NRG3: variants seen among roughly 807,000 people sequenced by gnomAD.
NRG3 encodes the protein neuregulin 3, also known as pro-neuregulin-3, membrane-bound isoform.
In NRG3, 31 loss-of-function variants were observed where a neutral mutation model predicts 66.9. That is an observed-to-expected ratio of 0.46 (90% CI 0.35 to 0.63). NRG3 has a LOEUF of 0.63. Among genes scored for constraint, NRG3 ranks in the 20% least tolerant of loss-of-function variants. The pLI is 0.00. For missense variants in NRG3, 910 were observed against 878.9 expected (o/e 1.04, Z -0.45); for synonymous variants, 393 against 359.4 (o/e 1.09, Z -1.06).
chr10:82,807,123 G>A (rs896172520), intron 3 of NRG3, among the ~76,000 whole-genome samples: 1 of 152,166 alleles, frequency 6.6e-6, no homozygotes. Context: ...TTTTCCAAAT[G>A]TTTGCAATAT....
intron 1 of NRG3, among the ~76,000 whole-genome samples, chr10:82,241,225 A>G (rs969732166): frequency 6.6e-6 from 1 of 152,130 alleles, no homozygotes; most frequent in Non-Finnish European, 1.5e-5. Context: ...TCCCTAAAAG[A>G]TAATTTCTTT....
chr10:82,532,530 C>CATATAGTACTATATATGTATATGT (rs1565035866), intron 2 of NRG3, among the ~76,000 whole-genome samples: 7 of 145,854 alleles, frequency 4.8e-5, no homozygotes, highest in African/African-American at 1.3e-4. Context: ...TAGTACTATA[C>CATATAGTACTATATATGTATATGT]ATATAGTACT....
Position 82,283,973 on chromosome 10 carries a change from A to G in NRG3, c.824-74766A>G, listed in dbSNP as rs77413584. On this transcript the variant is annotated intron_variant, in intron 1 of 8. Coordinates refer to ENST00000372141, the MANE Select transcript of NRG3 (RefSeq NM_001010848.4). ...GTTTGCTCGTAGTTTGCTAAGGAGG[A>G]AAATGAAAAGAGAGAAAGTTAGAGA... 1.2e-4 allele frequency among the ~76,000 whole-genome samples: 18 copies of G among 152,322 alleles called. No homozygotes were observed. The East Asian group carries it at 3.5e-3, about 29-fold the overall frequency.
intron 1 of NRG3, among the ~76,000 whole-genome samples, chr10:81,884,645 A>T (rs542454049): frequency 1.3e-5 from 2 of 152,264 alleles, no homozygotes; most frequent in South Asian, 4.1e-4. Context: ...GATGACTGAA[A>T]CTATATGGGA....
intron 1 of NRG3, among the ~76,000 whole-genome samples, chr10:81,898,370 C>T (rs1843716900): frequency 6.6e-6 from 1 of 152,176 alleles, no homozygotes; most frequent in Admixed American, 6.5e-5. Flanking sequence ...GACAACTTCC[C>T]AGATAGCTCC....
At chr10:82,686,557 T>C (rs956454916) in intron 2 of NRG3, among the ~76,000 whole-genome samples, 1 of 152,132 alleles carries the variant, frequency 6.6e-6, no homozygotes, top group African/African-American at 2.4e-5. Context: ...CACAAACACA[T>C]GAGTAATACA....
intron 4 of NRG3, among the ~76,000 whole-genome samples, chr10:82,946,898 ACATATTCTTTG>A (rs1220622977): frequency 3.3e-5 from 5 of 152,282 alleles, no homozygotes; most frequent in South Asian, 2.1e-4. Context: ...TGCATATTCG[ACATATTCTTTG>A]CATATTCTTT....
chr10:82,115,358 C>T (rs541174486), intron 1 of NRG3, among the ~76,000 whole-genome samples: 1 of 152,098 alleles, frequency 6.6e-6, no homozygotes, highest in African/African-American at 2.4e-5. Flanking sequence ...TAGAGCAGAA[C>T]CAAATTATGT....
intron 5 of NRG3, among the ~76,000 whole-genome samples, chr10:82,954,593 T>C (rs529410109): frequency 6.6e-6 from 1 of 151,986 alleles, no homozygotes; most frequent in African/African-American, 2.4e-5. Context: ...GATAAAATGA[T>C]GATACAAATG....
chr10:81,908,898 T>C (rs1233227058), intron 1 of NRG3, among the ~76,000 whole-genome samples: 2 of 152,176 alleles, frequency 1.3e-5, no homozygotes, highest in African/African-American at 4.8e-5. Context: ...AGAGAGGTGG[T>C]GGTGATGGTG....
At chr10:81,999,545 A>G (rs546350178) in intron 1 of NRG3, among the ~76,000 whole-genome samples, 2 of 152,296 alleles carry the variant, frequency 1.3e-5, no homozygotes, top group African/African-American at 4.8e-5. Flanking sequence ...CATTTTGTAA[A>G]AAATGTTCAA....
At chr10:82,850,133 C>T (rs2063493636) in intron 3 of NRG3, among the ~76,000 whole-genome samples, 1 of 152,144 alleles carries the variant, frequency 6.6e-6, no homozygotes, top group Admixed American at 6.5e-5. Context: ...AAATGCTTGA[C>T]AGAGGAATGG....
intron 2 of NRG3, among the ~76,000 whole-genome samples, chr10:82,424,882 T>G (rs1195029647): frequency 6.6e-6 from 1 of 151,932 alleles, no homozygotes; most frequent in African/African-American, 2.4e-5. Context: ...CAGCAGTTTA[T>G]TTAAAAAAAA....
intron 1 of NRG3, among the ~76,000 whole-genome samples, chr10:82,173,438 A>G (rs1236116197): frequency 6.6e-6 from 1 of 152,244 alleles, no homozygotes; most frequent in East Asian, 1.9e-4. Flanking sequence ...AGCCTGGACC[A>G]TACATATGAG....
At chr10:82,982,658 C>T (rs1853050085) in intron 8 of NRG3, among the ~76,000 whole-genome samples, 2 of 152,146 alleles carry the variant, frequency 1.3e-5, no homozygotes, top group African/African-American at 2.4e-5. Context: ...TCTGAGCAAT[C>T]AAGTTAGTGT....
chr10:82,227,412 T>C (rs2076221851), intron 1 of NRG3, among the ~76,000 whole-genome samples: 1 of 152,210 alleles, frequency 6.6e-6, no homozygotes, highest in Admixed American at 6.5e-5. Context: ...TATTATTTTA[T>C]TGTATCATTT....
chr10:82,917,267 A>G (rs537085920), intron 4 of NRG3, among the ~76,000 whole-genome samples: 3 of 152,300 alleles, frequency 2.0e-5, no homozygotes, highest in Admixed American at 6.5e-5. Flanking sequence ...TCACAGAACT[A>G]TCATTCCCTA....
rs1428514866 is a variant in NRG3, at chr10:82,249,955, A to G, written c.824-108784A>G. 3.9e-5 allele frequency among the ~76,000 whole-genome samples: 6 copies of G among 152,198 alleles called. No homozygotes were observed. In the East Asian group the frequency reaches 5.8e-4, roughly 15 times the overall value. ...AAATGAATGAGGCCCTCTAAGCCCAATGTGAATATAAACTCCACAGCGATG... is the reference window on the plus strand; with the variant it reads ...AAATGAATGAGGCCCTCTAAGCCCAGTGTGAATATAAACTCCACAGCGATG... On this transcript the variant is annotated intron_variant, in intron 1 of 8. Coordinates refer to ENST00000372141, the MANE Select transcript of NRG3 (RefSeq NM_001010848.4).
At chr10:82,656,308 C>CTTTTTTTTTTTTT (rs3040205) in intron 2 of NRG3, among the ~76,000 whole-genome samples, 7 of 132,022 alleles carry the variant, frequency 5.3e-5, no homozygotes, top group African/African-American at 8.4e-5. Flanking sequence ...TTTCTTTTTT[C>CTTTTTTTTTTTTT]TTTTTTTTTT....
Sources: allele counts gnomAD v4.1 joint callset (sites outside exome capture counted in the v4.1 genomes callset), GRCh38; gene constraint gnomAD v4.1.1; transcripts MANE v1.5; gene names NCBI Gene and HGNC (gene_info 2026-07-23, HGNC 2026-07-21).